Variants in CELSR1 observed in about 807,000 individuals in gnomAD.
CELSR1 encodes cadherin EGF LAG seven-pass G-type receptor 1, also known as adhesion G protein-coupled receptor C1.
A neutral mutation model predicts 249.1 loss-of-function variants in CELSR1; 110 were observed. The ratio of observed to expected loss-of-function variants is 0.44; its 90% CI spans 0.38 to 0.52. The LOEUF (loss-of-function observed/expected upper bound fraction) is 0.52, where lower values mean the gene tolerates loss of function less well. CELSR1 is among the 20% of genes least tolerant of loss of function. The pLI is 0.00. For synonymous variants in CELSR1, 2,113 were observed against 1,900.0 expected (o/e 1.11, Z -2.92); for missense variants, 4,109 against 4,296.4 (o/e 0.96, Z 1.22).
chr22:46,462,154 A>G (rs2080036743), intron 2 of CELSR1, among the ~76,000 whole-genome samples: 2 of 152,132 alleles, frequency 1.3e-5, no homozygotes, highest in Admixed American at 1.3e-4. Flanking sequence ...TATAGCCAGG[A>G]ATTTAGGATT....
rs547941667 is a variant in CELSR1 at position 46,436,504 on chromosome 22, G to A, written c.4407-215C>T. 1.2e-4 allele frequency among the ~76,000 whole-genome samples: 18 copies of A among 152,306 alleles called. No homozygotes were observed. The East Asian group carries it at 3.1e-3, about 26-fold the overall frequency. On this transcript the variant is annotated intron_variant, in intron 3 of 34. Transcript: ENST00000674500. This position sits in a 1 kb window ranked among gnomAD's most constrained non-coding sequence, Gnocchi z 5.9. The stretch of plus-strand genomic sequence containing the variant: ...GAAGCAGCAAACCAGAATCCATGGG[G>A]AGTCTGGTTACTACGGCCTGTAGAA...
In CELSR1 at chr22:46,454,237, C is replaced by T. The variant is rs542014203; in HGVS notation, c.4183+9470G>A. Among the ~76,000 whole-genome samples the T allele has an allele frequency of 6.6e-6, 1 of 152,330 alleles. No homozygotes were observed. Among genetic ancestry groups the T allele is most frequent in the African/African-American group, 2.4e-5 (1 of 41,580 alleles). ...CCCTCCCCAGGGCCTCCCGGAGCAGCCCCGCCCACGCCCCTGAATGCAGGG... is the reference window on the plus strand; with the variant it reads ...CCCTCCCCAGGGCCTCCCGGAGCAGTCCCGCCCACGCCCCTGAATGCAGGG... On this transcript the variant is annotated intron_variant, in intron 2 of 34. Coordinates refer to ENST00000674500, the MANE Select transcript of CELSR1 (RefSeq NM_001378328.1). This position sits in a 1 kb window ranked among gnomAD's most constrained non-coding sequence, Gnocchi z 5.1.
chr22:46,497,975 ACG>A (rs1569203170), intron 1 of CELSR1, among the ~76,000 whole-genome samples: 1 of 146,646 alleles, frequency 6.8e-6, no homozygotes, highest in East Asian at 2.1e-4. Context: ...GGGGCCAGGC[ACG>A]GTGGCTCACG....
rs975320388 is a variant in CELSR1, at chr22:46,506,989, G to A, written c.3544+26638C>T. Among the ~76,000 whole-genome samples the A allele has an allele frequency of 2.0e-5, 3 of 152,084 alleles. No homozygotes were observed. The highest frequency in any genetic ancestry group is 2.1e-4 in the South Asian group (1 of 4,818). On this transcript the variant is annotated intron_variant, in intron 1 of 34. Coordinates refer to ENST00000674500, the MANE Select transcript of CELSR1 (RefSeq NM_001378328.1). The surrounding 1 kb of genome is among the most constrained non-coding windows in gnomAD (Gnocchi z 4.1). Reference sequence around the variant, plus strand: ...AGGCGGGTGGATCACCTGAGGTCAGGAGCCTGGCCAACACGGTGAAACCCC... The same window carrying A: ...AGGCGGGTGGATCACCTGAGGTCAGAAGCCTGGCCAACACGGTGAAACCCC...
chr22:46,375,170 G>A (rs2147198487), intron 24 of CELSR1, among the ~76,000 whole-genome samples: 1 of 152,304 alleles, frequency 6.6e-6, no homozygotes, highest in African/African-American at 2.4e-5. Flanking sequence ...GAAGGTTCCA[G>A]CCTGGTCTTT....
rs772887198 is a variant in CELSR1 at position 46,468,512 on chromosome 22, G to A, written c.3545-4167C>T. On this transcript the variant is annotated intron_variant, in intron 1 of 34. Coordinates refer to ENST00000674500, the MANE Select transcript of CELSR1 (RefSeq NM_001378328.1). The surrounding 1 kb of genome is among the most constrained non-coding windows in gnomAD (Gnocchi z 4.5). ...GACGTGATGCTCACTGCAATAAGCCGGTCACATGTGAGGCTGCACTTACAG... is the reference window on the plus strand; with the variant it reads ...GACGTGATGCTCACTGCAATAAGCCAGTCACATGTGAGGCTGCACTTACAG... 5.3e-5 allele frequency among the ~76,000 whole-genome samples: 8 copies of A among 152,136 alleles called. No individual in the cohort carries two copies. In the South Asian group the frequency reaches 6.2e-4, roughly 12 times the overall value.
In CELSR1 at chr22:46,381,727, G is replaced by A; in HGVS notation, c.7088+119C>T. ...CAATGGTCTCTGTCTCTGGGCCAGG[G>A]TCACGGTGAAATGTCACTGTGAAGA... On this transcript the variant is annotated intron_variant, in intron 21 of 34. Coordinates refer to ENST00000674500, the MANE Select transcript of CELSR1 (RefSeq NM_001378328.1). This position sits in a 1 kb window ranked among gnomAD's most constrained non-coding sequence, Gnocchi z 6.0. The A allele has an allele frequency of 3.1e-6, 3 of 953,274 alleles. No homozygotes were observed. The highest frequency in any genetic ancestry group is 4.6e-6 in the Non-Finnish European group (3 of 651,606). 59.1% of individuals were successfully genotyped at this position (953,274 alleles called of 1,614,324 possible).
At position 46,512,776 on chromosome 22, in the gene CELSR1, A is replaced by C. The variant is rs924873187; in HGVS notation, c.3544+20851T>G. On this transcript the variant is annotated intron_variant, in intron 1 of 34. Coordinates refer to ENST00000674500, the MANE Select transcript of CELSR1 (RefSeq NM_001378328.1). The surrounding 1 kb of genome is among the most constrained non-coding windows in gnomAD (Gnocchi z 5.2). ...AGCGGGTTTCCGTTCCCTGCCATCC[A>C]GAGGAATTATTCAGACAAGCTACCC... Among the ~76,000 whole-genome samples, 5 of 152,146 alleles carry C rather than the reference A, an allele frequency of 3.3e-5. No individual in the cohort carries two copies. The highest frequency in any genetic ancestry group is 7.4e-5 in the Non-Finnish European group (5 of 68,024).
chr22:46,439,634 C>T (rs1412440726), intron 2 of CELSR1, among the ~76,000 whole-genome samples: 1 of 152,120 alleles, frequency 6.6e-6, no homozygotes, highest in Admixed American at 6.5e-5. Context: ...TCCTGGTGGG[C>T]AAACTAAGGA....
chr22:46,433,644 A>G lies in CELSR1; in HGVS notation c.4523-163T>C, dbSNP rs571655173. ...GTGGGAGGCGCCCACCACTCCATCCATTTTCTTTTCTGGTTACAAAAGTAA... is the reference window on the plus strand; with the variant it reads ...GTGGGAGGCGCCCACCACTCCATCCGTTTTCTTTTCTGGTTACAAAAGTAA... On this transcript the variant is annotated intron_variant, in intron 4 of 34. Transcript: ENST00000674500. The surrounding 1 kb of genome is among the most constrained non-coding windows in gnomAD (Gnocchi z 5.7). Among the ~76,000 whole-genome samples the G allele has an allele frequency of 6.6e-6, 1 of 152,014 alleles. No individual in the cohort carries two copies. The highest frequency in any genetic ancestry group is 1.5e-5 in the Non-Finnish European group (1 of 67,956).
At chr22:46,370,847 A>C (rs2078844047) in intron 25 of CELSR1, among the ~76,000 whole-genome samples, 1 of 152,222 alleles carries the variant, frequency 6.6e-6, no homozygotes, top group Admixed American at 6.5e-5. Context: ...CCCGGGAGTT[A>C]TTTTAAGATC....
At chr22:46,495,653 T>C (rs888199496) in intron 1 of CELSR1, among the ~76,000 whole-genome samples, 1 of 151,692 alleles carries the variant, frequency 6.6e-6, no homozygotes, top group Non-Finnish European at 1.5e-5. Context: ...CTAGCTAACA[T>C]GACGAAACCC....
At position 46,406,673 on chromosome 22, in the gene CELSR1, T is replaced by C. The variant is rs1202000684; in HGVS notation, c.5226+2323A>G. Among the ~76,000 whole-genome samples the C allele has an allele frequency of 6.6e-6, 1 of 151,910 alleles. No individual in the cohort carries two copies. Among genetic ancestry groups the C allele is most frequent in the Non-Finnish European group, 1.5e-5 (1 of 67,974 alleles). ...TTTCTAGATGGGCTGTCCTTAGGAGTGACAGAGAAGGGCCTGTGGCTGTCC... is the reference window on the plus strand; with the variant it reads ...TTTCTAGATGGGCTGTCCTTAGGAGCGACAGAGAAGGGCCTGTGGCTGTCC... On this transcript the variant is annotated intron_variant, in intron 9 of 34. Transcript: ENST00000674500. The surrounding 1 kb of genome is among the most constrained non-coding windows in gnomAD (Gnocchi z 5.4).
intron 2 of CELSR1, chr22:46,462,897 G>C (rs765700174): frequency 2.1e-6 from 1 of 468,490 alleles, no homozygotes; most frequent in East Asian, 7.1e-5. Flanking sequence ...CTTCAGAGGC[G>C]GGAGGATGAG....
chr22:46,507,934 T>C (rs1415488548), intron 1 of CELSR1, among the ~76,000 whole-genome samples: 3 of 152,178 alleles, frequency 2.0e-5, no homozygotes. Flanking sequence ...AGCCGTCCTG[T>C]GCCGTGGCCA....
In CELSR1 at chr22:46,440,609, A is replaced by G. The variant is rs1330206673; in HGVS notation, c.4184-1198T>C. ...AGCATCTTTTCCTGTTTTATTGACA[A>G]TTGACACTCTCTTTCCTAGAAGCTG... On this transcript the variant is annotated intron_variant, in intron 2 of 34. Transcript: ENST00000674500. This position sits in a 1 kb window ranked among gnomAD's most constrained non-coding sequence, Gnocchi z 4.7. 3.3e-5 allele frequency among the ~76,000 whole-genome samples: 5 copies of G among 152,114 alleles called. No individual in the cohort carries two copies. Among genetic ancestry groups the G allele is most frequent in the Admixed American group, 3.3e-4 (5 of 15,276 alleles).
intron 1 of CELSR1, among the ~76,000 whole-genome samples, chr22:46,532,422 C>T (rs1263083247): frequency 6.6e-6 from 1 of 152,232 alleles, no homozygotes; most frequent in African/African-American, 2.4e-5. Context: ...TATACCAAAA[C>T]TGAACCTGTA....
rs1025483414 is a variant in CELSR1 at position 46,416,559 on chromosome 22, C to G, written c.4612-4800G>C. Among the ~76,000 whole-genome samples the G allele has an allele frequency of 2.6e-5, 4 of 152,228 alleles. No individual in the cohort carries two copies. In the East Asian group the frequency reaches 7.7e-4, roughly 29 times the overall value. ...CCTCTACACCCCTCGGCGGGCAACC[C>G]TGGCCAGCACAGGCTCCCTGGGGCA... is the stretch of plus-strand genomic sequence containing the variant. On this transcript the variant is annotated intron_variant, in intron 5 of 34. Coordinates refer to ENST00000674500, the MANE Select transcript of CELSR1 (RefSeq NM_001378328.1).
At chr22:46,504,850 T>C (rs1339147714) in intron 1 of CELSR1, among the ~76,000 whole-genome samples, 1 of 152,012 alleles carries the variant, frequency 6.6e-6, no homozygotes, top group Non-Finnish European at 1.5e-5. Flanking sequence ...AGACCACACA[T>C]CAAACTAATG....
Sources: gnomAD v4.1 joint callset for allele counts (sites outside exome capture counted in the v4.1 genomes callset) on GRCh38, gnomAD v4.1.1 for gene constraint, Gnocchi (gnomAD v3.1) non-coding constraint, MANE v1.5 for transcripts, NCBI Gene and HGNC (gene_info 2026-07-23, HGNC 2026-07-21) for gene names.